The following KLF15 variants were observed in gnomAD, a reference collection of about 807,000 sequenced individuals.
The protein encoded by KLF15 is Krueppel-like factor 15.
In KLF15, 4 loss-of-function variants were observed where a neutral mutation model predicts 24.6. The ratio of observed to expected loss-of-function variants is 0.16; its 90% CI spans 0.08 to 0.37. The LOEUF (loss-of-function observed/expected upper bound fraction) is 0.37. KLF15 is among the 10% of genes least tolerant of loss of function. The pLI, the probability that KLF15 is intolerant of heterozygous loss-of-function variation, is 1.00. For synonymous variants in KLF15, 246 were observed against 236.3 expected, an observed-to-expected ratio of 1.04 and a Z score of -0.37; for missense variants, 496 against 560.6, an observed-to-expected ratio of 0.88 and a Z score of 1.16.
chr3:126,346,970 C>T (rs182503252), intron 2 of KLF15, among the ~76,000 whole-genome samples: 22 of 152,298 alleles, frequency 1.4e-4, no homozygotes, highest in East Asian at 5.8e-4. Context: ...CAACCAGTAA[C>T]GGTTTAGAGC....
chr3:126,352,801 T>C lies in KLF15; in HGVS notation c.122A>G (p.Glu41Gly). The change falls in exon 2 of 3, where the codon GAA becomes GGA. Residue 41 changes from glutamate (E) to glycine (G), a missense_variant. This residue lies in a region of KLF15 where 399 missense variants were observed against 423.1 expected (regional missense o/e 0.94). Coordinates refer to ENST00000296233, the MANE Select transcript of KLF15 (RefSeq NM_014079.4). ...AYHMLPSPVSEDDSDASSPCS... is the reference protein window; with the variant it reads ...AYHMLPSPVSGDDSDASSPCS... The stretch of plus-strand genomic sequence containing the variant: ...GGGGCTGGAGGCATCGCTGTCATCT[T>C]CAGAGACGGGTGAGGGCAGCATGTG... The C allele has an allele frequency of 6.3e-7, 1 of 1,594,074 alleles. No homozygotes were observed. Among genetic ancestry groups the C allele is most frequent in the Non-Finnish European group, 8.5e-7 (1 of 1,170,322 alleles).
chr3:126,291,123 G>A, the KLF15 span: 1 of 152,220 alleles, frequency 6.6e-6, no homozygotes, highest in Admixed American at 6.5e-5. Flanking sequence ...AAGGGGCAAT[G>A]CCCTTGCCCT....
chr3:126,348,192 G>C (rs2082551828), intron 2 of KLF15, among the ~76,000 whole-genome samples: 1 of 152,208 alleles, frequency 6.6e-6, no homozygotes, highest in Non-Finnish European at 1.5e-5. Context: ...TGGCTGACTG[G>C]AGAATTTACC....
chr3:126,294,870 C>CACAT, the KLF15 span, among the ~76,000 whole-genome samples: 1 of 72,124 alleles, frequency 1.4e-5, no homozygotes, highest in Non-Finnish European at 3.2e-5. Flanking sequence ...TCCATACACA[C>CACAT]ACACACACAC....
At chr3:126,308,727 A>T in the KLF15 span, among the ~76,000 whole-genome samples, 1 of 152,146 alleles carries the variant, frequency 6.6e-6, no homozygotes, top group Non-Finnish European at 1.5e-5. Context: ...CTCCCCCATG[A>T]TGAGGAAGCT....
chr3:126,317,196 A>G, the KLF15 span, among the ~76,000 whole-genome samples: 2 of 152,130 alleles, frequency 1.3e-5, no homozygotes, highest in Non-Finnish European at 2.9e-5. Flanking sequence ...CCCTACTTCT[A>G]TGCCTTGTGG....
At chr3:126,317,646 A>G in the KLF15 span, among the ~76,000 whole-genome samples, 11,061 of 152,144 alleles carry the variant, frequency 0.073, 483 homozygotes, top group South Asian at 0.15. Flanking sequence ...GCCTACCCCA[A>G]GGGAAGACTC....
the KLF15 span, among the ~76,000 whole-genome samples, chr3:126,327,902 A>C: frequency 6.6e-6 from 1 of 152,212 alleles, no homozygotes; most frequent in Non-Finnish European, 1.5e-5. Context: ...TGGATTTTTA[A>C]TATGATGGGT....
chr3:126,346,267 G>A (rs1400267844), intron 2 of KLF15, among the ~76,000 whole-genome samples: 1 of 152,202 alleles, frequency 6.6e-6, no homozygotes, highest in Non-Finnish European at 1.5e-5. Context: ...TGCAGACACA[G>A]AGTGCCACGC....
the KLF15 span, among the ~76,000 whole-genome samples, chr3:126,298,589 T>C: frequency 6.6e-6 from 1 of 152,308 alleles, no homozygotes; most frequent in East Asian, 1.9e-4. Flanking sequence ...TTCTAGAATC[T>C]TTATGGTTTC....
the KLF15 span, among the ~76,000 whole-genome samples, chr3:126,329,652 A>G: frequency 6.6e-6 from 1 of 152,008 alleles, no homozygotes; most frequent in Non-Finnish European, 1.5e-5. Context: ...TTTTGGAATC[A>G]AGTCCCATTT....
chr3:126,298,114 A>AT, the KLF15 span, among the ~76,000 whole-genome samples: 1 of 150,084 alleles, frequency 6.7e-6, no homozygotes, highest in Admixed American at 6.6e-5. Context: ...AACATCTATT[A>AT]TTTTTTTATT....
chr3:126,313,569 C>T, the KLF15 span, among the ~76,000 whole-genome samples: 2 of 152,144 alleles, frequency 1.3e-5, no homozygotes, highest in Non-Finnish European at 2.9e-5. Flanking sequence ...CCCTGGCATC[C>T]CCATCCCAAG....
downstream of KLF15, among the ~76,000 whole-genome samples, chr3:126,341,786 A>G (rs1486674745): frequency 2.0e-5 from 3 of 152,078 alleles, no homozygotes; most frequent in Non-Finnish European, 4.4e-5. Flanking sequence ...GAAACACTTG[A>G]CCCGACTTGC....
chr3:126,299,621 C>A, the KLF15 span, among the ~76,000 whole-genome samples: 5 of 151,542 alleles, frequency 3.3e-5, no homozygotes, highest in Admixed American at 2.6e-4. Context: ...TGGTGGCAGG[C>A]GCCTGTAGTC....
chr3:126,352,992 C>T, intron 1 of KLF15, 45 bp from the exon 2 acceptor site: 1 of 1,524,986 alleles, frequency 6.6e-7, no homozygotes, highest in Admixed American at 2.1e-5. Flanking sequence ...GGACAGTGCT[C>T]ACCTGCCACC....
chr3:126,323,403 T>TTATATATA, the KLF15 span, among the ~76,000 whole-genome samples: 9 of 50,830 alleles, frequency 1.8e-4, no homozygotes, highest in African/African-American at 8.6e-4. Flanking sequence ...GCCCCAGTAG[T>TTATATATA]TATATATATA....
At chr3:126,346,020 G>T (rs2082533308) in intron 2 of KLF15, among the ~76,000 whole-genome samples, 1 of 152,230 alleles carries the variant, frequency 6.6e-6, no homozygotes, top group South Asian at 2.1e-4. Context: ...ACAGCCCCCT[G>T]CCCTGGCAAT....
the KLF15 span, among the ~76,000 whole-genome samples, chr3:126,306,610 C>A: frequency 6.6e-6 from 1 of 152,236 alleles, no homozygotes; most frequent in South Asian, 2.1e-4. Context: ...TGCACGTGCA[C>A]ACATGTTATA....
Sources: gnomAD v4.1 joint callset for allele counts (sites outside exome capture counted in the v4.1 genomes callset) on GRCh38, gnomAD v4.1.1 for gene constraint, gnomAD v4.1.1 regional missense constraint, MANE v1.5 for transcripts, NCBI Gene and HGNC (gene_info 2026-07-23, HGNC 2026-07-21) for gene names.